The following CERS6 variants were observed in gnomAD, a reference collection of about 807,000 sequenced individuals.
CERS6 encodes ceramide synthase 6.
CERS6 carries 26 observed loss-of-function variants against 56.8 expected under a neutral mutation model. That is an observed-to-expected ratio of 0.46 (90% CI 0.34 to 0.63). CERS6 has a LOEUF of 0.63. CERS6 is among the 30% of genes least tolerant of loss of function. CERS6 has a pLI of 0.01. For missense variants in CERS6, 415 were observed against 467.5 expected (o/e 0.89, Z 1.04); for synonymous variants, 164 against 173.3 (o/e 0.95, Z 0.42).
chr2:168,569,187 C>T (rs559898159), intron 3 of CERS6, among the ~76,000 whole-genome samples: 1 of 152,254 alleles, frequency 6.6e-6, no homozygotes, highest in East Asian at 1.9e-4. Context: ...GCCTTTCCAC[C>T]GTGTGTGCAT....
Position 168,770,164 on chromosome 2 carries a change from T to A in CERS6, c.*502T>A, listed in dbSNP as rs1487689629. 1.3e-5 allele frequency: 2 copies of A among 158,640 alleles called. No individual in the cohort carries two copies. The highest frequency in any genetic ancestry group is 2.7e-5 in the Non-Finnish European group (2 of 72,764). 9.8% of individuals were successfully genotyped at this position (158,640 alleles called of 1,614,324 possible). On this transcript the variant is annotated 3_prime_UTR_variant, in exon 10 of 10. Coordinates refer to ENST00000305747, the MANE Select transcript of CERS6 (RefSeq NM_203463.3). ...ACAGTGCCCATTTTGAAATTGCCTA[T>A]ACAGTCTTAGTGACCATTTAAACCG...
At chr2:168,748,301 T>C (rs1684168137) in intron 8 of CERS6, among the ~76,000 whole-genome samples, 1 of 152,212 alleles carries the variant, frequency 6.6e-6, no homozygotes, top group South Asian at 2.1e-4. Flanking sequence ...AAATAAGTAA[T>C]TAACATTGAA....
At chr2:168,674,531 G>A (rs1686005038) in intron 4 of CERS6, among the ~76,000 whole-genome samples, 1 of 152,188 alleles carries the variant, frequency 6.6e-6, no homozygotes, top group Admixed American at 6.5e-5. Flanking sequence ...ATGTGACATT[G>A]CACATTCTGA....
intron 4 of CERS6, among the ~76,000 whole-genome samples, chr2:168,650,675 T>TA (rs1457887234): frequency 6.6e-6 from 1 of 151,486 alleles, no homozygotes; most frequent in Non-Finnish European, 1.5e-5. Flanking sequence ...CCGGTGAATT[T>TA]TTTTTTTTAA....
rs1573999569 is a variant in CERS6, at chr2:168,464,174, T to TGTGTG, written c.170+7556_170+7557insGTGTG. 4.9e-3 allele frequency among the ~76,000 whole-genome samples: 685 copies of TGTGTG among 139,784 alleles called. 8 individuals are homozygous for TGTGTG. The highest frequency in any genetic ancestry group is 0.023 in the East Asian group (108 of 4,690). 91.7% of individuals were successfully genotyped at this position (139,784 alleles called of 152,430 possible). A position where few individuals can be genotyped will look rare whatever the true frequency, so the allele number is the denominator to read the frequency against. ...TTCTCTGGTCACATATTTATACTTTTTGTGTGTGTGTGTGTGTGTGTGTGT... is the reference window on the plus strand; with the variant it reads ...TTCTCTGGTCACATATTTATACTTTTGTGTGTGTGTGTGTGTGTGTGTGTGTGTGT... On this transcript the variant is annotated intron_variant, in intron 1 of 9. Coordinates refer to ENST00000305747, the MANE Select transcript of CERS6 (RefSeq NM_203463.3).
intron 1 of CERS6, among the ~76,000 whole-genome samples, chr2:168,509,381 A>C (rs1694738594): frequency 6.6e-6 from 1 of 152,214 alleles, no homozygotes; most frequent in South Asian, 2.1e-4. Flanking sequence ...ATTGTTGAGC[A>C]CATTGTGAAT....
At chr2:168,659,225 A>G (rs1685566894) in intron 4 of CERS6, among the ~76,000 whole-genome samples, 1 of 152,090 alleles carries the variant, frequency 6.6e-6, no homozygotes, top group Non-Finnish European at 1.5e-5. Flanking sequence ...CACTACCTTC[A>G]CTTTTCTTTT....
chr2:168,489,499 A>G lies in CERS6; in HGVS notation c.170+32881A>G, dbSNP rs932862990. Among the ~76,000 whole-genome samples the G allele has an allele frequency of 6.1e-5, 9 of 148,580 alleles. No homozygotes were observed. The East Asian group carries it at 1.8e-3, about 29-fold the overall frequency. ...TTTTTTTTTTTTTTTCTGGAAAACC[A>G]GTGACATGAATGCTAGAACTTTGTG... On this transcript the variant is annotated intron_variant, in intron 1 of 9. Transcript: ENST00000305747.
At chr2:168,565,538 C>G (rs1695869897) in intron 3 of CERS6, among the ~76,000 whole-genome samples, 2 of 152,090 alleles carry the variant, frequency 1.3e-5, no homozygotes, top group African/African-American at 4.8e-5. Flanking sequence ...TATATAAGTT[C>G]CTATTTTTCA....
intron 4 of CERS6, among the ~76,000 whole-genome samples, chr2:168,686,156 T>C (rs949279021): frequency 6.7e-6 from 1 of 148,878 alleles, no homozygotes; most frequent in Non-Finnish European, 1.5e-5. Flanking sequence ...CTGGTAAGGA[T>C]TGGCGTCTAG....
At chr2:168,743,246 A>ATATATATATGTGTGTGTGTGTG (rs1683980278) in intron 8 of CERS6, among the ~76,000 whole-genome samples, 1 of 146,546 alleles carries the variant, frequency 6.8e-6, no homozygotes, top group Non-Finnish European at 1.5e-5. Flanking sequence ...GTGTGTGTGT[A>ATATATATATGTGTGTGTGTGTG]TATATATATA....
In CERS6 at chr2:168,516,911, C is replaced by T. The variant is rs1038695752; in HGVS notation, c.171-30685C>T. On this transcript the variant is annotated intron_variant, in intron 1 of 9. Transcript: ENST00000305747. ...CATCTTTTAGTTTTGCACTCTTGAT[C>T]ACAAGTCTGTCCAAATATAGGGCTT... is the stretch of plus-strand genomic sequence containing the variant. Among the ~76,000 whole-genome samples, 24 of 152,176 alleles carry T rather than the reference C, an allele frequency of 1.6e-4. 1 individual carries two copies. The South Asian group carries it at 1.7e-3, about 11-fold the overall frequency.
intron 4 of CERS6, among the ~76,000 whole-genome samples, chr2:168,688,415 C>CA (rs55913069): frequency 0.69 from 93,023 of 135,234 alleles, 33,374 homozygotes; most frequent in Non-Finnish European, 0.81. Flanking sequence ...GACTCCGTCT[C>CA]AAAAAAAAAA....
At position 168,774,240 on chromosome 2, in the gene CERS6, G is replaced by T. The variant is rs1214497511; in HGVS notation, c.*4578G>T. ...AGATTGCCCAGAAAGGGATGTGAGG[G>T]GACCGTTAAGATCTGTCTTGCTTAT... On this transcript the variant is annotated 3_prime_UTR_variant, in exon 10 of 10. Transcript: ENST00000305747. 1 of 152,126 alleles carries T rather than the reference G, an allele frequency of 6.6e-6. No individual in the cohort carries two copies. The highest frequency in any genetic ancestry group is 6.5e-5 in the Admixed American group (1 of 15,282). 9.4% of individuals were successfully genotyped at this position (152,126 alleles called of 1,614,324 possible).
chr2:168,721,033 T>G (rs1212313573), intron 8 of CERS6, among the ~76,000 whole-genome samples: 1 of 152,216 alleles, frequency 6.6e-6, no homozygotes, highest in Non-Finnish European at 1.5e-5. Flanking sequence ...GAGAACATCA[T>G]AGCGCAATGC....
chr2:168,573,211 T>G (rs1239600593), intron 3 of CERS6, among the ~76,000 whole-genome samples: 1 of 152,072 alleles, frequency 6.6e-6, no homozygotes, highest in African/African-American at 2.4e-5. Flanking sequence ...AAGGATAAAA[T>G]CACTGTTTTC....
chr2:168,665,991 T>TGTGTGTGTGTGTGTG (rs1685751349), intron 4 of CERS6, among the ~76,000 whole-genome samples: 3 of 146,942 alleles, frequency 2.0e-5, no homozygotes, highest in Admixed American at 6.9e-5. Context: ...TGTGTGTGTG[T>TGTGTGTGTGTGTGTG]AGTTTTAGGT....
At chr2:168,643,981 C>A (rs1685109887) in intron 4 of CERS6, among the ~76,000 whole-genome samples, 1 of 152,206 alleles carries the variant, frequency 6.6e-6, no homozygotes, top group Non-Finnish European at 1.5e-5. Flanking sequence ...GTCTCCTGAT[C>A]TCTGAGAAGG....
chr2:168,720,308 C>T lies in CERS6; in HGVS notation c.845+2330C>T, dbSNP rs980992516. Among the ~76,000 whole-genome samples, 12 of 152,062 alleles carry T rather than the reference C, an allele frequency of 7.9e-5. No homozygotes were observed. In the South Asian group the frequency reaches 2.5e-3, roughly 32 times the overall value. On this transcript the variant is annotated intron_variant, in intron 8 of 9. Transcript: ENST00000305747. ...TACAGTCTTTTAATTTATATTAAAT[C>T]TTTGAAATTCAATGTATATTTCACA...
Sources: gnomAD v4.1 joint callset for allele counts (sites outside exome capture counted in the v4.1 genomes callset) on GRCh38, gnomAD v4.1.1 for gene constraint, MANE v1.5 for transcripts, NCBI Gene and HGNC (gene_info 2026-07-23, HGNC 2026-07-21) for gene names.